Variants in SDR39U1 observed in about 807,000 individuals in gnomAD.
SDR39U1 encodes the protein epimerase family protein SDR39U1.
A neutral mutation model predicts 31.7 loss-of-function variants in SDR39U1; 29 were observed. The observed-to-expected ratio is 0.92, with a 90% CI of 0.68 to 1.25. The LOEUF (loss-of-function observed/expected upper bound fraction) is 1.25. Ranked by LOEUF, SDR39U1 falls within the 50% of genes most tolerant of loss-of-function variation. The probability of loss-of-function intolerance (pLI) is 0.00; values close to 1 mark genes in which losing one functional copy is unlikely to be tolerated. For missense variants in SDR39U1, 403 were observed against 378.4 expected (o/e 1.06, Z -0.54); for synonymous variants, 147 against 159.0 (o/e 0.92, Z 0.57).
intron 4 of SDR39U1, 24 bp from the exon 5 acceptor site, chr14:24,440,950 G>A (rs1218756592): frequency 1.9e-6 from 3 of 1,613,750 alleles, no homozygotes; most frequent in South Asian, 1.1e-5. Context: ...ACAATCATTT[G>A]CCCTGGGTGT....
chr14:24,440,394 G>A lies in SDR39U1; in HGVS notation c.571C>T (p.Pro191Ser), dbSNP rs1451455973. 1 of 1,613,970 alleles carries A rather than the reference G, an allele frequency of 6.2e-7. No individual in the cohort carries two copies. The highest frequency in any genetic ancestry group is 8.5e-7 in the Non-Finnish European group (1 of 1,179,854). ...GPIGSGHQFF[P>S]WIHIGDLAGI... Reference sequence around the variant, plus strand: ...GCCAGGTCCCCGATGTGTATCCAGGGGAAGAATTGGTGGCCTGAGCCGATG... The same window carrying A: ...GCCAGGTCCCCGATGTGTATCCAGGAGAAGAATTGGTGGCCTGAGCCGATG... Residue 191 changes from proline (P) to serine (S), a missense_variant, in exon 6 of 6, where the codon CCC becomes TCC. By Grantham distance (74) the Pro-to-Ser change is moderately conservative (BLOSUM62 -1). Transcript: ENST00000399395.
intron 5 of SDR39U1, 107 bp from the exon 6 acceptor site, chr14:24,440,599 G>T: frequency 7.0e-7 from 1 of 1,419,006 alleles, no homozygotes; most frequent in Non-Finnish European, 9.7e-7. Flanking sequence ...TGCTGACTTG[G>T]CTCTGTAACA....
chr14:24,441,835 A>AT, intron 3 of SDR39U1, 40 bp from the exon 4 acceptor site: 1 of 1,582,960 alleles, frequency 6.3e-7, no homozygotes, highest in Non-Finnish European at 8.6e-7. Context: ...CACTAAATAC[A>AT]TAAGTGCACA....
chr14:24,442,082 C>T, intron 3 of SDR39U1, 96 bp downstream of exon 3: 1 of 1,552,088 alleles, frequency 6.4e-7, no homozygotes, highest in Non-Finnish European at 8.7e-7. Context: ...AGTTCGGAAT[C>T]TGGGAGCTCC....
Position 24,441,773 on chromosome 14 carries a change from C to G in SDR39U1, c.229G>C (p.Glu77Gln). The G allele has an allele frequency of 6.2e-7, 1 of 1,604,744 alleles. No individual in the cohort carries two copies. Among genetic ancestry groups the G allele is most frequent in the Non-Finnish European group, 8.5e-7 (1 of 1,177,080 alleles). The change falls in exon 4 of 6, where the codon GAG (glutamate) becomes CAG (glutamine). Residue 77 changes from glutamate to glutamine, a missense_variant. Glu to Gln is a conservative substitution (Grantham distance 29). Transcript: ENST00000399395. ...GTCTCTAGGCGGCTGCCGATTACCT[C>G]TTTTTGGAAGGTTTCATTCCATCTG... ...LRRWNETFQKEVIGSRLETTQ... is the reference protein window; with the variant it reads ...LRRWNETFQKQVIGSRLETTQ...
At chr14:24,442,834 A>G (rs2139423594), upstream of SDR39U1, 11 of 1,571,734 alleles carry the variant, frequency 7.0e-6, no homozygotes, top group Non-Finnish European at 9.6e-6. Context: ...CGCGACTACG[A>G]CCTCTCTGCG....
chr14:24,441,529 G>T, intron 4 of SDR39U1, 145 bp downstream of exon 4: 1 of 650,744 alleles, frequency 1.5e-6, no homozygotes. Context: ...GTACACAAAG[G>T]TTAGGAGAAA....
In SDR39U1 at chr14:24,440,897, A is replaced by C; in HGVS notation, c.358T>G (p.Tyr120Asp). 2 of 1,613,822 alleles carry C rather than the reference A, an allele frequency of 1.2e-6. No homozygotes were observed. The highest frequency in any genetic ancestry group is 2.2e-5 in the East Asian group (1 of 44,876). Reference protein sequence around the residue: ...AYYQPSLTAEYDEDSPGGDFD... With the variant: ...AYYQPSLTAEDDEDSPGGDFD... ...TCCCCTCCTGGGCTGTCTTCATCAT[A>C]CTCCGCAGTCAGACTGGGCTGGTAG... Residue 120 changes from tyrosine (Y) to aspartate (D), a missense_variant, in exon 5 of 6, where the codon TAT becomes GAT. By Grantham distance (160) the Tyr-to-Asp change is radical (BLOSUM62 -3). Coordinates refer to ENST00000399395, the MANE Select transcript of SDR39U1 (RefSeq NM_020195.3).
Position 24,440,256 on chromosome 14 carries a change from C to T in SDR39U1, c.709G>A (p.Gly237Ser). ...GGGAGAGGGATGAAGGCTCGGCGGC[C>T]CAGGGCAGCACCCAAGGTCTGGGCA... Reference protein sequence around the residue: ...EFAQTLGAALGRRAFIPLPSA... With the variant: ...EFAQTLGAALSRRAFIPLPSA... The change falls in exon 6 of 6, where the codon GGC (glycine) becomes AGC (serine). Residue 237 changes from glycine (G) to serine (S), a missense_variant. Physicochemically the swap from Gly to Ser is moderately conservative, Grantham distance 56 (BLOSUM62 0). Transcript: ENST00000399395. The T allele has an allele frequency of 1.9e-6, 3 of 1,613,766 alleles. No homozygotes were observed. Among genetic ancestry groups the T allele is most frequent in the East Asian group, 2.2e-5 (1 of 44,884 alleles).
chr14:24,442,352 G>C lies in SDR39U1; in HGVS notation c.117C>G (p.Ile39Met), dbSNP rs1320763699. 6.2e-7 allele frequency: 1 copy of C among 1,610,648 alleles called. No homozygotes were observed. The highest frequency in any genetic ancestry group is 1.3e-5 in the African/African-American group (1 of 74,732). ...TTCCAGAGGATGGACTTACCCACGT[G>C]ATCCGGCCGGGCCCGGGCTTTCGGG... ...LVSRKPGPGR[I>M]TWDELAASGL... Residue 39 changes from isoleucine (I) to methionine (M), a missense_variant, in exon 2 of 6, where the codon ATC (isoleucine) becomes ATG (methionine). Transcript: ENST00000399395.
rs2043375886 is a variant in SDR39U1 at position 24,442,385 on chromosome 14, C to A, written c.84G>T (p.Thr28=). The change falls in exon 2 of 6, where the codon ACG becomes ACT. Residue 28 remains threonine, a synonymous_variant. Coordinates refer to ENST00000399395, the MANE Select transcript of SDR39U1 (RefSeq NM_020195.3). ...QLLNARGHEV[T]LVSRKPGPGR... The stretch of plus-strand genomic sequence containing the variant: ...CGGGCCCGGGCTTTCGGGAGACCAA[C>A]GTCACTTCGTGGCCTCTGGCATTCA... 2 of 1,612,076 alleles carry A rather than the reference C, an allele frequency of 1.2e-6. No homozygotes were observed. The highest frequency in any genetic ancestry group is 1.7e-6 in the Non-Finnish European group (2 of 1,179,058).
Position 24,440,155 on chromosome 14 carries a change from C to T in SDR39U1, c.810G>A (p.Gln270=), listed in dbSNP as rs771647553. The T allele has an allele frequency of 8.7e-6, 14 of 1,613,610 alleles. No homozygotes were observed. In the African/African-American group the frequency reaches 1.2e-4, roughly 14 times the overall value. ...ACTGGTAGCCAGTGGCCAGTGTTCG[C>T]TGTGGGATCACCTTCTGGCCCTCCA... is the stretch of plus-strand genomic sequence containing the variant. The part of the protein sequence containing the change: ...MLLEGQKVIP[Q]RTLATGYQYS... Residue 270 remains glutamine (Q), a synonymous_variant, in exon 6 of 6, where the codon CAG becomes CAA. Transcript: ENST00000399395.
At position 24,439,979 on chromosome 14, in the gene SDR39U1, C is replaced by CT. The variant is rs1267377271; in HGVS notation, c.*103dup. 1.1e-6 allele frequency: 1 copy of CT among 932,838 alleles called. No homozygotes were observed. The highest frequency in any genetic ancestry group is 2.6e-5 in the East Asian group (1 of 37,982). 57.8% of individuals were successfully genotyped at this position (932,838 alleles called of 1,614,324 possible). ...TGGGAAAGAGGACTGGGAGAGGAAT[C>CT]TAAGAACCAGATGGCTTCAGCTCTC... On this transcript the variant is annotated 3_prime_UTR_variant, in exon 6 of 6. Coordinates refer to ENST00000399395, the MANE Select transcript of SDR39U1 (RefSeq NM_020195.3).
chr14:24,442,183 G>C lies in SDR39U1; in HGVS notation c.201C>G (p.Leu67=). Residue 67 remains leucine, a synonymous_variant, in exon 3 of 6, where the codon CTC becomes CTG. Transcript: ENST00000399395. ...GCTTTAGGGCCCGGGCTGACCTTCGGAGAGGGTTGAGGATGTTCTCTCCGG... is the reference window on the plus strand; with the variant it reads ...GCTTTAGGGCCCGGGCTGACCTTCGCAGAGGGTTGAGGATGTTCTCTCCGG... ...NLAGENILNP[L]RRWNETFQKE... is the part of the protein sequence containing the mutation. 6.2e-7 allele frequency: 1 copy of C among 1,610,840 alleles called. No individual in the cohort carries two copies. The highest frequency in any genetic ancestry group is 2.2e-5 in the East Asian group (1 of 44,736).
intron 1 of SDR39U1, 150 bp downstream of exon 1, chr14:24,442,604 G>T: frequency 8.0e-7 from 1 of 1,247,990 alleles, no homozygotes; most frequent in Non-Finnish European, 1.2e-6. Flanking sequence ...GGTGACACAG[G>T]TCACAGGGAT....
intron 4 of SDR39U1, 30 bp from the exon 5 acceptor site, chr14:24,440,956 G>A: frequency 1.2e-6 from 2 of 1,613,602 alleles, no homozygotes; most frequent in Non-Finnish European, 8.5e-7. Context: ...ATTTGCCCTG[G>A]GTGTCCTTGG....
At position 24,440,451 on chromosome 14, in the gene SDR39U1, G is replaced by C; in HGVS notation, c.514C>G (p.Leu172Val). 1 of 1,610,816 alleles carries C rather than the reference G, an allele frequency of 6.2e-7. No homozygotes were observed. The highest frequency in any genetic ancestry group is 1.6e-4 in the Middle Eastern group (1 of 6,062). The change falls in exon 6 of 6, where the codon CTG becomes GTG. Residue 172 changes from leucine (L) to valine (V), a missense_variant. Coordinates refer to ENST00000399395, the MANE Select transcript of SDR39U1 (RefSeq NM_020195.3). Reference sequence around the variant, plus strand: ...CCCAGGCCCAGGCGAAAGGGCAGCAGCATGTGGCCCATGGCACCACCCCCA... The same window carrying C: ...CCCAGGCCCAGGCGAAAGGGCAGCACCATGTGGCCCATGGCACCACCCCCA... ...GRGGGAMGHM[L>V]LPFRLGLGGP...
At chr14:24,442,798 A>G, upstream of SDR39U1, 3 of 1,613,760 alleles carry the variant, frequency 1.9e-6, no homozygotes, top group Non-Finnish European at 2.5e-6. Flanking sequence ...CGCCTGCGTA[A>G]AGTTTAGAGT....
intron 3 of SDR39U1, 141 bp downstream of exon 3, chr14:24,442,037 A>T: frequency 2.0e-6 from 3 of 1,524,768 alleles, no homozygotes; most frequent in Non-Finnish European, 1.8e-6. Flanking sequence ...GGGGTGGAGG[A>T]GTGGAGCAGA....
Sources: allele counts gnomAD v4.1 joint callset, GRCh38; gene constraint gnomAD v4.1.1; transcripts MANE v1.5; gene names NCBI Gene and HGNC (gene_info 2026-07-23, HGNC 2026-07-21).